ITGA2: variants seen among roughly 807,000 people sequenced by gnomAD.
ITGA2 encodes the protein integrin subunit alpha 2.
In ITGA2, 101 loss-of-function variants were observed where a neutral mutation model predicts 146.3. That is an observed-to-expected ratio of 0.69 (90% CI 0.59 to 0.81). The LOEUF is 0.81. ITGA2 is among the 40% of genes least tolerant of loss of function. ITGA2 has a pLI of 0.00. For synonymous variants in ITGA2, 477 were observed against 487.1 expected (o/e 0.98, Z 0.27); for missense variants, 1,281 against 1,402.7 (o/e 0.91, Z 1.39).
chr5:53,049,434 A>T (rs1003414995), intron 6 of ITGA2, among the ~76,000 whole-genome samples: 9 of 152,170 alleles, frequency 5.9e-5, no homozygotes, highest in African/African-American at 2.2e-4. Context: ...TCTTTTGTTT[A>T]TTCCTTGCTG....
chr5:53,014,719 G>T (rs3212410), intron 1 of ITGA2, among the ~76,000 whole-genome samples: 8,097 of 152,058 alleles, frequency 0.053, 710 homozygotes, highest in African/African-American at 0.18. Context: ...CTATGAATTC[G>T]TCTGGTCCTG....
intron 1 of ITGA2, among the ~76,000 whole-genome samples, chr5:53,021,060 C>T (rs982631251): frequency 6.6e-6 from 1 of 151,968 alleles, no homozygotes; most frequent in African/African-American, 2.4e-5. Flanking sequence ...CACAATTGTA[C>T]TGTTTGTTGT....
intron 28 of ITGA2, among the ~76,000 whole-genome samples, chr5:53,089,642 A>T (rs1740317728): frequency 6.6e-6 from 1 of 152,226 alleles, no homozygotes; most frequent in South Asian, 2.1e-4. Context: ...GTATGCCAGA[A>T]ATGGAAGTTT....
intron 2 of ITGA2, among the ~76,000 whole-genome samples, chr5:53,027,770 T>C (rs1377762025): frequency 3.9e-5 from 6 of 152,198 alleles, no homozygotes; most frequent in Non-Finnish European, 2.9e-5. Context: ...TGGGCTGTTG[T>C]TGGCTTATCA....
Position 53,062,896 on chromosome 5 carries a change from G to C in ITGA2, c.1569G>C (p.Glu523Asp). 6.2e-7 allele frequency: 1 copy of C among 1,609,680 alleles called. No homozygotes were observed. Among genetic ancestry groups the C allele is most frequent in the Non-Finnish European group, 8.5e-7 (1 of 1,177,730 alleles). The change falls in exon 13 of 30, where the codon GAG becomes GAC. Residue 523 changes from glutamate to aspartate, a missense_variant. Glu to Asp is a conservative substitution (Grantham distance 45). Around this residue, in one of 3 missense-constraint regions of ITGA2, gnomAD observed 795 missense variants for 841.7 expected, o/e 0.94. Coordinates refer to ENST00000296585, the MANE Select transcript of ITGA2 (RefSeq NM_002203.4). ...TGTACATGAGTGACCTAAAGAAAGA[G>C]GAAGGAAGAGTCTACCTGTTTACTA... is the stretch of plus-strand genomic sequence containing the variant. ...APMYMSDLKK[E>D]EGRVYLFTIK...
intron 1 of ITGA2, among the ~76,000 whole-genome samples, chr5:53,019,157 A>AT (rs1213639489): frequency 6.6e-6 from 1 of 152,214 alleles, no homozygotes; most frequent in Admixed American, 6.5e-5. Context: ...TAAAAAAATA[A>AT]TTTTAAAATA....
chr5:53,074,154 ATCTTT>A (rs1745539859), intron 20 of ITGA2, among the ~76,000 whole-genome samples: 3 of 152,082 alleles, frequency 2.0e-5, no homozygotes, highest in African/African-American at 7.2e-5. Context: ...ACAGTATTTA[ATCTTT>A]TCTTTGTTTT....
chr5:53,092,572 A>G lies in ITGA2; in HGVS notation c.*1973A>G, dbSNP rs972569562. ...CTCCAGTTAGGTATGCCAGAGTCCA[A>G]TTCTTTTAACAGCTGTGAGAATTTG... On this transcript the variant is annotated 3_prime_UTR_variant, in exon 30 of 30. Transcript: ENST00000296585. 2 of 151,978 alleles carry G rather than the reference A, an allele frequency of 1.3e-5. No homozygotes were observed. Among genetic ancestry groups the G allele is most frequent in the East Asian group, 1.9e-4 (1 of 5,170 alleles). 9.4% of individuals were successfully genotyped at this position (151,978 alleles called of 1,614,324 possible).
chr5:53,074,353 T>G (rs769339243), intron 20 of ITGA2, 32 bp from the exon 21 acceptor site: 2 of 1,568,260 alleles, frequency 1.3e-6, no homozygotes, highest in Admixed American at 3.3e-5. Context: ...TGTATGCCAA[T>G]TGATCATTGT....
intron 2 of ITGA2, among the ~76,000 whole-genome samples, chr5:53,034,177 T>G (rs979250584): frequency 1.3e-5 from 2 of 152,208 alleles, no homozygotes; most frequent in Admixed American, 1.3e-4. Context: ...GAAATCCAAC[T>G]GTAATATATT....
At position 53,038,207 on chromosome 5, in the gene ITGA2, T is replaced by TA. The variant is rs34975562; in HGVS notation, c.186-3890dup. On this transcript the variant is annotated intron_variant, in intron 2 of 29. Transcript: ENST00000296585. ...GCAGCTTTGCTACCAGAGGCTCTGA[T>TA]AAAAAAAAAAAAAAACAGTTAAATT... Among the ~76,000 whole-genome samples, 504 of 144,314 alleles carry TA rather than the reference T, an allele frequency of 3.5e-3. 1 individual carries two copies. The highest frequency in any genetic ancestry group is 5.3e-3 in the African/African-American group (207 of 38,992). 94.7% of individuals were successfully genotyped at this position (144,314 alleles called of 152,430 possible).
At chr5:53,026,973 G>C (rs1304281937) in intron 2 of ITGA2, 105 bp downstream of exon 2, 1 of 988,206 alleles carries the variant, frequency 1.0e-6, no homozygotes, top group African/African-American at 1.6e-5. Flanking sequence ...CTATAAATGG[G>C]TGGCCCTCAA....
chr5:53,067,637 G>C (rs964280784), intron 16 of ITGA2, among the ~76,000 whole-genome samples: 1 of 151,846 alleles, frequency 6.6e-6, no homozygotes, highest in Non-Finnish European at 1.5e-5. Flanking sequence ...ATATAGGACA[G>C]GTTCAGTAAA....
At chr5:53,087,858 G>A (rs1199723697) in intron 28 of ITGA2, among the ~76,000 whole-genome samples, 1 of 152,160 alleles carries the variant, frequency 6.6e-6, no homozygotes, top group African/African-American at 2.4e-5. Flanking sequence ...CTGCCCCCAA[G>A]GCCAGCTTGG....
At chr5:53,048,154 C>A (rs560140345) in intron 4 of ITGA2, among the ~76,000 whole-genome samples, 1 of 152,216 alleles carries the variant, frequency 6.6e-6, no homozygotes, top group Admixed American at 6.5e-5. Context: ...ACTCCTCCTC[C>A]CGCAAGGCTT....
rs1740580036 is a variant in ITGA2 at position 53,094,046 on chromosome 5, A to C, written c.*3447A>C. ...TACTAAAAATTATTATAAAGGTTAT[A>C]ATTTTATAATGTATTTACCTGTCCT... On this transcript the variant is annotated 3_prime_UTR_variant, in exon 30 of 30. Transcript: ENST00000296585. The C allele has an allele frequency of 6.6e-6, 1 of 152,642 alleles. No individual in the cohort carries two copies. The highest frequency in any genetic ancestry group is 2.4e-5 in the African/African-American group (1 of 41,462). 9.5% of individuals were successfully genotyped at this position (152,642 alleles called of 1,614,324 possible).
At chr5:53,066,047 A>T in intron 15 of ITGA2, 70 bp downstream of exon 15, 1 of 1,408,146 alleles carries the variant, frequency 7.1e-7, no homozygotes, top group Non-Finnish European at 1.0e-6. Context: ...AGATGTCTGT[A>T]CTGGTATTAT....
intron 1 of ITGA2, among the ~76,000 whole-genome samples, chr5:53,014,156 G>A (rs1742289554): frequency 6.6e-6 from 1 of 152,078 alleles, no homozygotes; most frequent in African/African-American, 2.4e-5. Flanking sequence ...ACTGGTGAGG[G>A]TCAGCATCCT....
At chr5:53,068,213 A>T (rs1311233982) in intron 16 of ITGA2, among the ~76,000 whole-genome samples, 4 of 151,944 alleles carry the variant, frequency 2.6e-5, no homozygotes, top group Non-Finnish European at 4.4e-5. Flanking sequence ...GCAAAATTAG[A>T]TTCAAATCTT....
Sources: gnomAD v4.1 joint callset for allele counts (sites outside exome capture counted in the v4.1 genomes callset) on GRCh38, gnomAD v4.1.1 for gene constraint, gnomAD v4.1.1 regional missense constraint, MANE v1.5 for transcripts, NCBI Gene and HGNC (gene_info 2026-07-23, HGNC 2026-07-21) for gene names.